Variants in STAG1 observed in about 807,000 individuals in gnomAD.
STAG1 encodes STAG1 cohesin complex component.
A neutral mutation model predicts 170.9 loss-of-function variants in STAG1; 26 were observed. The ratio of observed to expected loss-of-function variants is 0.15; its 90% CI spans 0.11 to 0.21. The LOEUF (loss-of-function observed/expected upper bound fraction) is 0.21. STAG1 is among the 10% of genes least tolerant of loss of function. The pLI, the probability that STAG1 is intolerant of heterozygous loss-of-function variation, is 1.00. For missense variants in STAG1, 964 were observed against 1,509.5 expected (o/e 0.64, Z 5.99); for synonymous variants, 514 against 497.7 (o/e 1.03, Z -0.44).
chr3:136,455,591 C>G (rs118127196), intron 13 of STAG1, among the ~76,000 whole-genome samples: 3 of 152,260 alleles, frequency 2.0e-5, no homozygotes, highest in East Asian at 1.9e-4. Flanking sequence ...ATCACAGCAA[C>G]TGGTGCACAT....
intron 9 of STAG1, among the ~76,000 whole-genome samples, chr3:136,498,531 T>C (rs1366097764): frequency 2.0e-5 from 3 of 151,670 alleles, no homozygotes; most frequent in Admixed American, 2.0e-4. Flanking sequence ...AGTTACAAAG[T>C]GCCATGAGAA....
chr3:136,431,861 C>T (rs1290283762), intron 16 of STAG1, among the ~76,000 whole-genome samples: 1 of 152,130 alleles, frequency 6.6e-6, no homozygotes, highest in Non-Finnish European at 1.5e-5. Context: ...TGTCTTTTAA[C>T]AATGTGACTA....
At chr3:136,548,481 TCTTC>T (rs976323277) in intron 5 of STAG1, among the ~76,000 whole-genome samples, 2 of 152,190 alleles carry the variant, frequency 1.3e-5, no homozygotes, top group African/African-American at 4.8e-5. Context: ...CCAGCTTTGT[TCTTC>T]CTTCCTCAGA....
intron 1 of STAG1, among the ~76,000 whole-genome samples, chr3:136,747,103 A>T (rs1179844535): frequency 2.4e-4 from 24 of 98,620 alleles, no homozygotes; most frequent in African/African-American, 8.0e-4. Flanking sequence ...TAAAAAAAAA[A>T]AAAAAAAAAA....
chr3:136,666,424 T>C (rs1249324757), intron 1 of STAG1, among the ~76,000 whole-genome samples: 2 of 152,188 alleles, frequency 1.3e-5, no homozygotes, highest in Admixed American at 6.5e-5. Flanking sequence ...ACTGTAGCAA[T>C]AAGAACTGTA....
intron 1 of STAG1, among the ~76,000 whole-genome samples, chr3:136,715,868 C>T (rs574859465): frequency 6.5e-4 from 95 of 146,162 alleles, no homozygotes; most frequent in African/African-American, 2.4e-3. Flanking sequence ...GAGGCCAAGG[C>T]AGGCAGATCA....
chr3:136,413,604 A>G (rs1165549574), intron 21 of STAG1, among the ~76,000 whole-genome samples: 2 of 151,952 alleles, frequency 1.3e-5, no homozygotes, highest in Non-Finnish European at 2.9e-5. Flanking sequence ...AATTACAGAC[A>G]TGTGCCACCA....
At chr3:136,618,028 T>C (rs1362492520) in intron 3 of STAG1, among the ~76,000 whole-genome samples, 1 of 152,234 alleles carries the variant, frequency 6.6e-6, no homozygotes, top group East Asian at 1.9e-4. Flanking sequence ...ACTGTATCTT[T>C]TTATTGTTAG....
intron 5 of STAG1, among the ~76,000 whole-genome samples, chr3:136,543,014 A>G (rs1935980935): frequency 6.6e-6 from 1 of 152,190 alleles, no homozygotes; most frequent in South Asian, 2.1e-4. Flanking sequence ...GGAGCTATCA[A>G]AAAATAAGCT....
chr3:136,599,761 T>A (rs1938585541), intron 4 of STAG1, among the ~76,000 whole-genome samples: 1 of 152,178 alleles, frequency 6.6e-6, no homozygotes, highest in Non-Finnish European at 1.5e-5. Context: ...CTCAGTAACA[T>A]AATGTACTGT....
In STAG1 at chr3:136,337,343, T is replaced by G. The variant is rs1440899645; in HGVS notation, c.*911A>C. 6.6e-6 allele frequency: 1 copy of G among 152,514 alleles called. No individual in the cohort carries two copies. The highest frequency in any genetic ancestry group is 1.5e-5 in the Non-Finnish European group (1 of 68,030). 9.4% of individuals were successfully genotyped at this position (152,514 alleles called of 1,614,324 possible). A position where few individuals can be genotyped will look rare whatever the true frequency, so the allele number is the denominator to read the frequency against. ...AAAATGGAAGTCTGTGTAACTTGAA[T>G]TTGGCAGGGCATGAAATAAGTGGTA... On this transcript the variant is annotated 3_prime_UTR_variant, in exon 34 of 34. Transcript: ENST00000383202.
intron 14 of STAG1, among the ~76,000 whole-genome samples, chr3:136,447,339 C>T (rs189334031): frequency 2.4e-4 from 37 of 151,682 alleles, no homozygotes; most frequent in Non-Finnish European, 4.1e-4. Context: ...TGTGGTGGCG[C>T]GTGCCTGCAG....
intron 7 of STAG1, among the ~76,000 whole-genome samples, chr3:136,514,548 G>C (rs994242543): frequency 1.8e-4 from 27 of 152,174 alleles, no homozygotes; most frequent in African/African-American, 6.5e-4. Flanking sequence ...TTGACCCAGC[G>C]ATCCCATTAC....
rs34533734 is a variant in STAG1 at position 136,347,395 on chromosome 3, CAAAAAAAAAAAA to C, written c.3271+1751_3271+1762del. On this transcript the variant is annotated intron_variant, in intron 29 of 33. Coordinates refer to ENST00000383202, the MANE Select transcript of STAG1 (RefSeq NM_005862.3). ...TGGGTGACAGAGGGAGATCCTGTCT[CAAAAAAAAAAAA>C]AAAAAAAAAAAGGAAATGCCTGTAG... 6.4e-5 allele frequency among the ~76,000 whole-genome samples: 5 copies of C among 78,714 alleles called. No homozygotes were observed. In the South Asian group the frequency reaches 1.5e-3, roughly 24 times the overall value. The allele number at this position is 78,714 out of a possible 152,430, so 51.6% of individuals were successfully genotyped here. A position where few individuals can be genotyped will look rare whatever the true frequency, so the allele number is the denominator to read the frequency against.
intron 15 of STAG1, among the ~76,000 whole-genome samples, chr3:136,435,559 A>C (rs1361267647): frequency 6.6e-6 from 1 of 152,252 alleles, no homozygotes; most frequent in Non-Finnish European, 1.5e-5. Context: ...ACCATTAAAA[A>C]AAATGACATT....
intron 20 of STAG1, among the ~76,000 whole-genome samples, chr3:136,418,641 T>C (rs1278050563): frequency 6.6e-6 from 1 of 150,692 alleles, no homozygotes; most frequent in African/African-American, 2.4e-5. Context: ...GTATATATAA[T>C]AGTATTTTTT....
chr3:136,469,296 C>T (rs1228818126), intron 12 of STAG1, among the ~76,000 whole-genome samples: 1 of 152,202 alleles, frequency 6.6e-6, no homozygotes, highest in Non-Finnish European at 1.5e-5. Flanking sequence ...TCTCAGGATA[C>T]AAAATCAATG....
chr3:136,619,733 C>T (rs1008400457), intron 3 of STAG1, among the ~76,000 whole-genome samples: 8 of 128,932 alleles, frequency 6.2e-5, no homozygotes, highest in Admixed American at 3.8e-4. Context: ...CTCCAGATTA[C>T]GCAACAGCGC....
chr3:136,377,099 GTCAAAAAGTCTACATT>G (rs2108306993), intron 23 of STAG1, among the ~76,000 whole-genome samples: 1 of 148,768 alleles, frequency 6.7e-6, no homozygotes, highest in Non-Finnish European at 1.5e-5. Flanking sequence ...ATTCTTAGGA[GTCAAAAAGTCTACATT>G]TCGGCCGGGC....
Sources: allele counts gnomAD v4.1 joint callset (sites outside exome capture counted in the v4.1 genomes callset), GRCh38; gene constraint gnomAD v4.1.1; transcripts MANE v1.5; gene names NCBI Gene and HGNC (gene_info 2026-07-23, HGNC 2026-07-21).